The following KIAA1671 variants were observed in gnomAD, a reference collection of about 807,000 sequenced individuals.
KIAA1671 encodes the protein KIAA1671.
Under a neutral mutation model 131.2 loss-of-function variants are expected in KIAA1671, and 52 were observed. That is an observed-to-expected ratio of 0.40 (90% CI 0.32 to 0.50). The LOEUF (loss-of-function observed/expected upper bound fraction) is 0.50, where lower values mean the gene tolerates loss of function less well. KIAA1671 is among the 20% of genes least tolerant of loss of function. The pLI, the probability that KIAA1671 is intolerant of heterozygous loss-of-function variation, is 0.73. For synonymous variants in KIAA1671, 1,003 were observed against 961.6 expected (o/e 1.04, Z -0.80); for missense variants, 2,360 against 2,364.2 (o/e 1.00, Z 0.04).
At chr22:25,055,834 A>AGATG (rs1927811265) in intron 6 of KIAA1671, 3 of 149,442 alleles carry the variant, frequency 2.0e-5, no homozygotes, top group African/African-American at 7.3e-5. Context: ...ATAGATAGAT[A>AGATG]TAGATACAGA....
chr22:25,153,322 C>T (rs1167362662), intron 6 of KIAA1671, among the ~76,000 whole-genome samples: 1 of 152,150 alleles, frequency 6.6e-6, no homozygotes, highest in African/African-American at 2.4e-5. Context: ...GCCCCCAGAA[C>T]ATTTGGCCTT....
chr22:25,173,596 C>A (rs187402025), intron 7 of KIAA1671, among the ~76,000 whole-genome samples: 1 of 152,152 alleles, frequency 6.6e-6, no homozygotes, highest in Non-Finnish European at 1.5e-5. Context: ...ACCCCGGAAA[C>A]GTGTAATTAC....
At chr22:24,966,010 T>C (rs5996800) in intron 1 of KIAA1671, among the ~76,000 whole-genome samples, 39,370 of 152,134 alleles carry the variant, frequency 0.26, 7,425 homozygotes, top group African/African-American at 0.53. Context: ...TCCCATTTTA[T>C]AGATGAGGAA....
Position 25,127,859 on chromosome 22 carries a change from A to G in KIAA1671, c.4531-42961A>G, listed in dbSNP as rs887376668. Among the ~76,000 whole-genome samples the G allele has an allele frequency of 5.9e-5, 9 of 152,218 alleles. No homozygotes were observed. In the South Asian group the frequency reaches 1.2e-3, roughly 21 times the overall value. ...TGCGGAGCCCCGTGGATTTTCAACA[A>G]CTTAGTGCCATTGGTTGAAAAATGG... is the stretch of plus-strand genomic sequence containing the variant. On this transcript the variant is annotated intron_variant, in intron 6 of 12. Coordinates refer to ENST00000358431, the MANE Select transcript of KIAA1671 (RefSeq NM_001145206.2).
intron 6 of KIAA1671, among the ~76,000 whole-genome samples, chr22:25,162,027 C>T (rs182779632): frequency 2.0e-5 from 3 of 152,286 alleles, no homozygotes; most frequent in Admixed American, 6.5e-5. Context: ...ATCCCAGCTC[C>T]ACCCCTTCCA....
chr22:25,085,846 C>T lies in KIAA1671; in HGVS notation c.4530+36482C>T, dbSNP rs556681799. Among the ~76,000 whole-genome samples the T allele has an allele frequency of 5.9e-5, 9 of 152,178 alleles. No individual in the cohort carries two copies. The South Asian group carries it at 6.2e-4, about 11-fold the overall frequency. ...GGCTGTTCAAGAGCAGAGATTCTCT[C>T]GTATGCACATCTGTGTCCCTGACAC... On this transcript the variant is annotated intron_variant, in intron 6 of 12. Coordinates refer to ENST00000358431, the MANE Select transcript of KIAA1671 (RefSeq NM_001145206.2).
At chr22:25,067,068 C>T (rs7286434) in intron 6 of KIAA1671, among the ~76,000 whole-genome samples, 87 of 152,204 alleles carry the variant, frequency 5.7e-4, no homozygotes, top group African/African-American at 2.0e-3. Context: ...GTGGTCAGGG[C>T]GGCCAGAGCA....
At position 25,054,142 on chromosome 22, in the gene KIAA1671, T is replaced by A. The variant is rs1330825586; in HGVS notation, c.4530+4778T>A. The A allele has an allele frequency of 2.3e-5, 3 of 130,886 alleles. 1 individual carries two copies. The highest frequency in any genetic ancestry group is 5.2e-5 in the Non-Finnish European group (3 of 57,376). The allele number at this position is 130,886 out of a possible 1,614,324, so 8.1% of individuals were successfully genotyped here. On this transcript the variant is annotated intron_variant, in intron 6 of 12. Transcript: ENST00000358431. ...AGGAGAATCACTTGATCCCAGCTAC[T>A]CAGGAGGCTGAGGCAGGAAAATCGC... is the stretch of plus-strand genomic sequence containing the variant.
At chr22:25,048,570 C>T (rs547875145) in intron 5 of KIAA1671, among the ~76,000 whole-genome samples, 9 of 152,202 alleles carry the variant, frequency 5.9e-5, no homozygotes, top group Middle Eastern at 3.4e-3. Flanking sequence ...TCCTTGTCCA[C>T]GCAGGGAGAG....
chr22:25,162,348 G>T (rs1933474939), intron 6 of KIAA1671, among the ~76,000 whole-genome samples: 2 of 152,182 alleles, frequency 1.3e-5, no homozygotes, highest in South Asian at 4.1e-4. Flanking sequence ...CACAGCTGGG[G>T]GTATAGAATT....
chr22:25,111,409 C>T (rs1931337766), intron 6 of KIAA1671, among the ~76,000 whole-genome samples: 1 of 152,190 alleles, frequency 6.6e-6, no homozygotes, highest in African/African-American at 2.4e-5. Flanking sequence ...GCTCCCTGGG[C>T]GGCCGCCGCC....
chr22:25,005,360 A>AG (rs1366105148), intron 1 of KIAA1671, among the ~76,000 whole-genome samples: 15 of 151,622 alleles, frequency 9.9e-5, no homozygotes, highest in Admixed American at 5.3e-4. Flanking sequence ...AAAAAAAAAA[A>AG]AAAAGAAAAA....
chr22:25,019,440 A>G (rs1925537373), intron 1 of KIAA1671, among the ~76,000 whole-genome samples: 1 of 152,138 alleles, frequency 6.6e-6, no homozygotes, highest in African/African-American at 2.4e-5. Context: ...CAGGCAGGAG[A>G]CAGTCTTAGC....
chr22:25,108,727 T>C (rs1222570054), intron 6 of KIAA1671, among the ~76,000 whole-genome samples: 1 of 152,208 alleles, frequency 6.6e-6, no homozygotes, highest in East Asian at 1.9e-4. Context: ...ATCTTCAGTT[T>C]TCTCATGGAC....
At chr22:25,000,683 A>AT (rs1383643932) in intron 1 of KIAA1671, among the ~76,000 whole-genome samples, 4 of 150,750 alleles carry the variant, frequency 2.7e-5, no homozygotes, top group South Asian at 4.2e-4. Context: ...TGCCTGGATA[A>AT]TTTTTGTATA....
intron 1 of KIAA1671, among the ~76,000 whole-genome samples, chr22:24,980,136 T>C (rs1414932656): frequency 6.6e-6 from 1 of 152,068 alleles, no homozygotes; most frequent in East Asian, 1.9e-4. Context: ...ATGGATAATA[T>C]TCCATTGTAT....
At chr22:25,168,369 T>C (rs1212107125) in intron 6 of KIAA1671, among the ~76,000 whole-genome samples, 1 of 152,228 alleles carries the variant, frequency 6.6e-6, no homozygotes, top group Non-Finnish European at 1.5e-5. Flanking sequence ...ATATAAATTA[T>C]GTGTCACGTT....
At chr22:25,026,262 A>G (rs1925937568) in intron 2 of KIAA1671, among the ~76,000 whole-genome samples, 1 of 151,984 alleles carries the variant, frequency 6.6e-6, no homozygotes, top group African/African-American at 2.4e-5. Flanking sequence ...GGAAGTGGAG[A>G]GGCTTGTGTT....
Position 25,039,535 on chromosome 22 carries a change from C to G in KIAA1671, c.2405C>G (p.Ala802Gly). 1 of 1,551,858 alleles carries G rather than the reference C, an allele frequency of 6.4e-7. No homozygotes were observed. The highest frequency in any genetic ancestry group is 8.7e-7 in the Non-Finnish European group (1 of 1,147,032). The change falls in exon 5 of 13, where the codon GCT becomes GGT. Residue 802 changes from alanine to glycine, a missense_variant. Ala to Gly is a moderately conservative substitution (Grantham distance 60, BLOSUM62 0). Transcript: ENST00000358431. ...CAAAGGGCCAGTTTGATTTGGGAAGCTCGAGGCATGCCTGAGGCTAGTGGA... is the reference window on the plus strand; with the variant it reads ...CAAAGGGCCAGTTTGATTTGGGAAGGTCGAGGCATGCCTGAGGCTAGTGGA... ...SVQRASLIWE[A>G]RGMPEASGPK... is the part of the protein sequence containing the mutation.
Sources: gnomAD v4.1 joint callset for allele counts (sites outside exome capture counted in the v4.1 genomes callset) on GRCh38, gnomAD v4.1.1 for gene constraint, MANE v1.5 for transcripts, NCBI Gene and HGNC (gene_info 2026-07-23, HGNC 2026-07-21) for gene names.